SLC24A2: variants seen among roughly 807,000 people sequenced by gnomAD.
SLC24A2 encodes sodium/potassium/calcium exchanger 2.
A neutral mutation model predicts 62.0 loss-of-function variants in SLC24A2; 36 were observed. The observed-to-expected ratio is 0.58, with a 90% CI of 0.44 to 0.77. The LOEUF (loss-of-function observed/expected upper bound fraction) is 0.77. SLC24A2 is among the 30% of genes least tolerant of loss of function. SLC24A2 has a pLI of 0.00. For synonymous variants in SLC24A2, 358 were observed against 294.0 expected, an observed-to-expected ratio of 1.22 and a Z score of -2.23; for missense variants, 846 against 817.9, an observed-to-expected ratio of 1.03 and a Z score of -0.42.
chr9:19,566,121 G>T (rs138475105), intron 7 of SLC24A2, among the ~76,000 whole-genome samples: 41 of 152,098 alleles, frequency 2.7e-4, no homozygotes, highest in East Asian at 1.7e-3. Flanking sequence ...AAATGGAATC[G>T]AATTAAACTA....
the SLC24A2 span, among the ~76,000 whole-genome samples, chr9:19,851,836 G>A: frequency 2.0e-5 from 3 of 152,072 alleles, no homozygotes; most frequent in Non-Finnish European, 2.9e-5. Context: ...ATTCCTTTGG[G>A]TATATACCCA....
the SLC24A2 span, among the ~76,000 whole-genome samples, chr9:20,000,444 T>C: frequency 6.6e-6 from 1 of 152,194 alleles, no homozygotes; most frequent in Non-Finnish European, 1.5e-5. Context: ...GAGACTTTTG[T>C]GCCAGTTCTT....
chr9:20,239,576 C>G, the SLC24A2 span, among the ~76,000 whole-genome samples: 6 of 152,156 alleles, frequency 3.9e-5, no homozygotes, highest in Admixed American at 3.9e-4. Context: ...GCTGCTCTTG[C>G]CCAGGTCTAA....
intron 9 of SLC24A2, among the ~76,000 whole-genome samples, chr9:19,525,562 G>A (rs1434892394): frequency 6.6e-6 from 1 of 150,862 alleles, no homozygotes. Flanking sequence ...TGCTACCATG[G>A]CCAGCTAATT....
At chr9:19,962,661 G>T in the SLC24A2 span, among the ~76,000 whole-genome samples, 1 of 152,138 alleles carries the variant, frequency 6.6e-6, no homozygotes, top group Admixed American at 6.5e-5. Context: ...TTGGCTCTCT[G>T]TCTGTTATTG....
the SLC24A2 span, among the ~76,000 whole-genome samples, chr9:20,202,718 A>G: frequency 1.3e-5 from 2 of 152,210 alleles, no homozygotes; most frequent in Non-Finnish European, 2.9e-5. Flanking sequence ...CAAGTCGGAT[A>G]TATTGCTGGA....
At chr9:19,528,013 A>ACC (rs1395929365) in intron 9 of SLC24A2, 36 bp downstream of exon 9, 1 of 1,311,866 alleles carries the variant, frequency 7.6e-7, no homozygotes, top group South Asian at 1.3e-5. Context: ...GACTGGAGAA[A>ACC]AACAAGGCAG....
At chr9:19,934,525 C>T in the SLC24A2 span, among the ~76,000 whole-genome samples, 10 of 152,330 alleles carry the variant, frequency 6.6e-5, no homozygotes, top group African/African-American at 1.9e-4. The surrounding 1 kb of genome is among the most constrained non-coding windows in gnomAD (Gnocchi z 4.1). Flanking sequence ...TTCCGGCCCC[C>T]GTGCACCGTG....
chr9:19,895,928 G>A, the SLC24A2 span: 3 of 1,613,258 alleles, frequency 1.9e-6, no homozygotes, highest in Admixed American at 1.7e-5. Flanking sequence ...CTCCTCATCA[G>A]GTCAAACAGC....
chr9:19,928,697 G>C, the SLC24A2 span: 2 of 152,158 alleles, frequency 1.3e-5, no homozygotes, highest in East Asian at 3.8e-4. Flanking sequence ...CCTTTTATAA[G>C]GTAGGCATTG....
chr9:19,872,541 C>T, the SLC24A2 span, among the ~76,000 whole-genome samples: 1 of 152,144 alleles, frequency 6.6e-6, no homozygotes, highest in African/African-American at 2.4e-5. Flanking sequence ...ACTGTACCCA[C>T]CTTGTCTCAT....
chr9:19,820,577 A>G, the SLC24A2 span, among the ~76,000 whole-genome samples: 31 of 152,064 alleles, frequency 2.0e-4, no homozygotes, highest in Admixed American at 1.4e-3. Context: ...AGAGTTAGGG[A>G]CTTCAGAAGT....
chr9:19,820,904 A>G, the SLC24A2 span, among the ~76,000 whole-genome samples: 1 of 152,138 alleles, frequency 6.6e-6, no homozygotes. Context: ...ATATCAAGGA[A>G]GCAGACACAT....
At chr9:19,951,472 A>G in the SLC24A2 span, among the ~76,000 whole-genome samples, 1 of 151,946 alleles carries the variant, frequency 6.6e-6, no homozygotes, top group East Asian at 1.9e-4. Flanking sequence ...TTTTTTCTCT[A>G]GAATATTTAC....
chr9:19,972,819 T>C, the SLC24A2 span, among the ~76,000 whole-genome samples: 14 of 151,654 alleles, frequency 9.2e-5, no homozygotes, highest in African/African-American at 3.2e-4. Context: ...TCAGAGAAAG[T>C]GAGCAACCTT....
At chr9:19,947,708 G>A in the SLC24A2 span, among the ~76,000 whole-genome samples, 2 of 149,074 alleles carry the variant, frequency 1.3e-5, no homozygotes, top group African/African-American at 4.9e-5. Context: ...GGAGAATGGC[G>A]TGAACCTGGG....
chr9:20,067,511 G>A, the SLC24A2 span, among the ~76,000 whole-genome samples: 4 of 151,938 alleles, frequency 2.6e-5, no homozygotes, highest in South Asian at 6.2e-4. Context: ...GTACCCAATA[G>A]GTAGGTTTTC....
At chr9:19,580,811 C>T (rs140122806) in intron 5 of SLC24A2, among the ~76,000 whole-genome samples, 63 of 152,168 alleles carry the variant, frequency 4.1e-4, no homozygotes, top group African/African-American at 1.4e-3. Flanking sequence ...GTAGGGATTC[C>T]AGTGGTATTG....
the SLC24A2 span, among the ~76,000 whole-genome samples, chr9:20,111,578 GC>G: frequency 2.0e-5 from 3 of 152,106 alleles, no homozygotes; most frequent in Admixed American, 6.5e-5. Flanking sequence ...TTCTCATGGA[GC>G]AGCAGCATCT....
Sources: gnomAD v4.1 joint callset for allele counts (sites outside exome capture counted in the v4.1 genomes callset) on GRCh38, gnomAD v4.1.1 for gene constraint, Gnocchi (gnomAD v3.1) non-coding constraint, MANE v1.5 for transcripts, NCBI Gene and HGNC (gene_info 2026-07-23, HGNC 2026-07-21) for gene names.